The following TNS1 variants were observed in gnomAD, a reference collection of about 807,000 sequenced individuals.
TNS1 encodes tensin-1.
TNS1 carries 62 observed loss-of-function variants against 168.6 expected under a neutral mutation model. The ratio of observed to expected loss-of-function variants is 0.37; its 90% CI spans 0.30 to 0.45. The LOEUF is 0.45. Ranked by LOEUF, TNS1 falls within the 20% of genes least tolerant of loss-of-function variation. The pLI is 1.00. For synonymous variants in TNS1, 934 were observed against 933.2 expected, an observed-to-expected ratio of 1.00 and a Z score of -0.02; for missense variants, 2,240 against 2,339.4, an observed-to-expected ratio of 0.96 and a Z score of 0.88.
chr2:217,818,838 C>T, intron 23 of TNS1, 79 bp from the exon 24 acceptor site: 1 of 1,199,976 alleles, frequency 8.3e-7, no homozygotes. Context: ...GTCTGCCCTC[C>T]CTCCAACCAT....
chr2:217,912,365 C>T (rs1024472543), intron 4 of TNS1, among the ~76,000 whole-genome samples: 2 of 152,346 alleles, frequency 1.3e-5, no homozygotes, highest in Admixed American at 6.5e-5. Context: ...ACATTCCGTC[C>T]GGAAATTCCT....
At chr2:217,816,618 G>A (rs1574597923) in intron 24 of TNS1, among the ~76,000 whole-genome samples, 2 of 152,152 alleles carry the variant, frequency 1.3e-5, no homozygotes, top group South Asian at 2.1e-4. Context: ...TGTCAGAGGC[G>A]GCTGCAGTCC....
At chr2:218,031,134 GTGTGTGT>G in intron 1 of TNS1, among the ~76,000 whole-genome samples, 1 of 103,638 alleles carries the variant, frequency 9.6e-6, no homozygotes, top group Non-Finnish European at 1.7e-5. Flanking sequence ...GTCTGTGTGT[GTGTGTGT>G]ATGTGTTGTG....
intron 3 of TNS1, among the ~76,000 whole-genome samples, chr2:217,959,342 TCTTAGCATGGAAC>T (rs1399311837): frequency 2.6e-5 from 4 of 151,522 alleles, no homozygotes; most frequent in Middle Eastern, 3.2e-3. Flanking sequence ...GAACCTGGTA[TCTTAGCATGGAAC>T]CTTAGCATGG....
At chr2:217,839,829 G>A (rs995380087) in intron 19 of TNS1, among the ~76,000 whole-genome samples, 7 of 152,308 alleles carry the variant, frequency 4.6e-5, no homozygotes, top group African/African-American at 1.4e-4. Flanking sequence ...CTGGGTGTCC[G>A]ACAGCATGCC....
rs10554233 is a variant in TNS1 at position 217,910,713 on chromosome 2, T to TACACACAC, written c.229-3470_229-3463dup. Reference sequence around the variant, plus strand: ...TGTTTCTACAGCTACCACATACACATACACACACACACACACACACACACA... The same window carrying TACACACAC: ...TGTTTCTACAGCTACCACATACACATACACACACACACACACACACACACACACACACA... On this transcript the variant is annotated intron_variant, in intron 4 of 32. Coordinates refer to ENST00000682258, the MANE Select transcript of TNS1 (RefSeq NM_001387777.1). Among the ~76,000 whole-genome samples the TACACACAC allele has an allele frequency of 5.0e-3, 530 of 106,692 alleles. 2 individuals carry two copies. The highest frequency in any genetic ancestry group is 0.016 in the Middle Eastern group (3 of 192). 70.0% of individuals were successfully genotyped at this position (106,692 alleles called of 152,430 possible).
intron 1 of TNS1, among the ~76,000 whole-genome samples, chr2:218,021,735 G>T (rs1272860297): frequency 6.6e-6 from 1 of 152,206 alleles, no homozygotes; most frequent in Non-Finnish European, 1.5e-5. Context: ...AGGCCTCAGG[G>T]CCCCAGCAGA....
chr2:217,885,868 T>C, intron 14 of TNS1, 49 bp from the exon 15 acceptor site: 2 of 1,597,844 alleles, frequency 1.3e-6, no homozygotes, highest in Non-Finnish European at 1.7e-6. Context: ...GGAGGGGAGA[T>C]GAGGGAGGGG....
chr2:217,850,683 A>T (rs17733847), intron 18 of TNS1: 5 of 880,052 alleles, frequency 5.7e-6, no homozygotes, highest in Non-Finnish European at 6.8e-6. Context: ...GAAAAAAGCC[A>T]GCTCCCAAAG....
At chr2:217,883,432 T>C (rs1574940565) in intron 16 of TNS1, among the ~76,000 whole-genome samples, 1 of 152,034 alleles carries the variant, frequency 6.6e-6, no homozygotes, top group East Asian at 1.9e-4. Flanking sequence ...GCCCGGCTAA[T>C]TTTTTTATTT....
intron 3 of TNS1, among the ~76,000 whole-genome samples, chr2:217,935,583 G>C (rs1030119513): frequency 1.3e-4 from 20 of 152,282 alleles, no homozygotes; most frequent in African/African-American, 4.6e-4. Flanking sequence ...GAAGCAGTTC[G>C]TGAGCCACCG....
At chr2:217,891,921 T>C (rs989979407) in intron 11 of TNS1, among the ~76,000 whole-genome samples, 3 of 152,310 alleles carry the variant, frequency 2.0e-5, no homozygotes, top group African/African-American at 4.8e-5. Flanking sequence ...TCTCCAACCA[T>C]GGACCTGCCT....
chr2:217,901,742 G>A (rs1368784691), intron 6 of TNS1: 1 of 152,258 alleles, frequency 6.6e-6, no homozygotes, highest in Non-Finnish European at 1.5e-5. Flanking sequence ...CGGCCAGGCA[G>A]GATTCACACT....
chr2:217,819,626 A>G (rs1251157279), intron 23 of TNS1, among the ~76,000 whole-genome samples: 3 of 152,236 alleles, frequency 2.0e-5, no homozygotes, highest in Non-Finnish European at 4.4e-5. Context: ...GTGACAGATG[A>G]AAGCACAGCA....
chr2:217,847,947 T>C lies in TNS1; in HGVS notation c.2570A>G (p.Gln857Arg), dbSNP rs1474401767. The change falls in exon 19 of 33, where the codon CAG becomes CGG. Residue 857 changes from glutamine to arginine, a missense_variant. Transcript: ENST00000682258. ...ASAAAPLHKSQSVPGAWPGAS... is the reference protein window; with the variant it reads ...ASAAAPLHKSRSVPGAWPGAS... ...CCCTGGCCAGGCCCCGGGGACACTC[T>C]GGGACTTGTGTAGTGGGGCAGCAGC... The C allele has an allele frequency of 9.9e-6, 15 of 1,516,424 alleles. No homozygotes were observed. Among genetic ancestry groups the C allele is most frequent in the Non-Finnish European group, 1.2e-5 (14 of 1,129,672 alleles). 93.9% of individuals were successfully genotyped at this position (1,516,424 alleles called of 1,614,324 possible).
chr2:217,926,087 G>A (rs191224910), intron 3 of TNS1, among the ~76,000 whole-genome samples: 154 of 152,242 alleles, frequency 1.0e-3, no homozygotes, highest in African/African-American at 3.6e-3. Flanking sequence ...GAGGAAACGA[G>A]GGCACAGAAA....
At chr2:217,891,244 T>A (rs1188877432) in intron 11 of TNS1, among the ~76,000 whole-genome samples, 199 bp from the exon 12 acceptor site, 1 of 152,196 alleles carries the variant, frequency 6.6e-6, no homozygotes, top group Non-Finnish European at 1.5e-5. Context: ...TCTCTCCAAC[T>A]GTGCAGGGCC....
chr2:217,920,217 G>A lies in TNS1; in HGVS notation c.206C>T (p.Pro69Leu). 1 of 703,022 alleles carries A rather than the reference G, an allele frequency of 1.4e-6. No homozygotes were observed. The highest frequency in any genetic ancestry group is 1.5e-5 in the South Asian group (1 of 67,598). 43.5% of individuals were successfully genotyped at this position (703,022 alleles called of 1,614,324 possible). The change falls in exon 4 of 33, where the codon CCT becomes CTT. Residue 69 changes from proline to leucine, a missense_variant. By Grantham distance (98) the Pro-to-Leu change is moderately conservative. Transcript: ENST00000682258. ...CACCACCAGCTCATGGTTGGATGGA[G>A]GAACGCAGGGGGCAGCCACCTGTGG... is the stretch of plus-strand genomic sequence containing the variant. The part of the protein sequence containing the change: ...CQAKVAAPCV[P>L]PSNHELVPIT...
rs1437149385 is a variant in TNS1, at chr2:217,975,243, C to T, written c.186+3522G>A. Among the ~76,000 whole-genome samples, 10 of 152,178 alleles carry T rather than the reference C, an allele frequency of 6.6e-5. No individual in the cohort carries two copies. The East Asian group carries it at 1.9e-3, about 29-fold the overall frequency. On this transcript the variant is annotated intron_variant, in intron 3 of 32. Transcript: ENST00000682258. Reference sequence around the variant, plus strand: ...AGTCAGGCCTTGAGAAGACTGCAGCCCCAGCCAACATCTCAGCTGCAACCC... The same window carrying T: ...AGTCAGGCCTTGAGAAGACTGCAGCTCCAGCCAACATCTCAGCTGCAACCC...
Sources: gnomAD v4.1 joint callset for allele counts (sites outside exome capture counted in the v4.1 genomes callset) on GRCh38, gnomAD v4.1.1 for gene constraint, MANE v1.5 for transcripts, NCBI Gene and HGNC (gene_info 2026-07-23, HGNC 2026-07-21) for gene names.